EPHA6: variants seen among roughly 807,000 people sequenced by gnomAD.
EPHA6 encodes EPH receptor A6.
Under a neutral mutation model 112.0 loss-of-function variants are expected in EPHA6, and 50 were observed. The ratio of observed to expected loss-of-function variants is 0.45; its 90% confidence interval spans 0.36 to 0.56. The LOEUF is 0.56. Ranked by LOEUF, EPHA6 falls within the 20% of genes least tolerant of loss-of-function variation. The pLI is 0.00. For missense variants in EPHA6, 1,280 were observed against 1,417.4 expected, an observed-to-expected ratio of 0.90 and a Z score of 1.56; for synonymous variants, 529 against 490.7, an observed-to-expected ratio of 1.08 and a Z score of -1.03.
chr3:97,741,805 C>G (rs1312709350), intron 16 of EPHA6, among the ~76,000 whole-genome samples: 1 of 152,010 alleles, frequency 6.6e-6, no homozygotes, highest in Non-Finnish European at 1.5e-5. Flanking sequence ...TTTATCTGGA[C>G]TAGTCAAACT....
intron 3 of EPHA6, among the ~76,000 whole-genome samples, chr3:97,183,755 G>T (rs1356573201): frequency 1.3e-5 from 2 of 151,970 alleles, no homozygotes; most frequent in African/African-American, 4.8e-5. Context: ...GTAACTTCAG[G>T]TAAGATCTTG....
chr3:97,514,812 A>G (rs1259148818), intron 10 of EPHA6, among the ~76,000 whole-genome samples: 1 of 152,188 alleles, frequency 6.6e-6, no homozygotes, highest in Non-Finnish European at 1.5e-5. Flanking sequence ...GTGAGGACAC[A>G]GTGAGAAGGC....
intron 10 of EPHA6, among the ~76,000 whole-genome samples, chr3:97,496,570 A>C (rs147740748): frequency 6.6e-6 from 1 of 152,156 alleles, no homozygotes; most frequent in African/African-American, 2.4e-5. Flanking sequence ...TTATGAAGCC[A>C]TACTTCTATA....
intron 3 of EPHA6, among the ~76,000 whole-genome samples, chr3:97,018,258 G>A (rs1330176510): frequency 2.0e-5 from 3 of 151,824 alleles, no homozygotes; most frequent in African/African-American, 7.3e-5. Context: ...TTTATGTGTA[G>A]GGACCAGCCC....
At chr3:97,544,464 C>G (rs2092915791) in intron 11 of EPHA6, among the ~76,000 whole-genome samples, 4 of 152,172 alleles carry the variant, frequency 2.6e-5, no homozygotes, top group Admixed American at 2.6e-4. Flanking sequence ...GGTGGATAAG[C>G]TTTCTGATGT....
chr3:97,178,984 T>A lies in EPHA6; in HGVS notation c.1115-47280T>A, dbSNP rs746433883. On this transcript the variant is annotated intron_variant, in intron 3 of 17. Coordinates refer to ENST00000389672, the MANE Select transcript of EPHA6 (RefSeq NM_001080448.3). ...CTTTAAGGCCAATAACTCTTTGAAT[T>A]GCTCTTTTCTAGATACTGTAGAATC... Among the ~76,000 whole-genome samples the A allele has an allele frequency of 6.0e-4, 91 of 152,246 alleles. 1 individual carries two copies. Among genetic ancestry groups the A allele is most frequent in the Non-Finnish European group, 9.1e-4 (62 of 68,010 alleles).
intron 2 of EPHA6, among the ~76,000 whole-genome samples, chr3:96,952,779 T>C (rs2041601066): frequency 6.6e-6 from 1 of 152,110 alleles, no homozygotes; most frequent in African/African-American, 2.4e-5. Context: ...ATACTGCATG[T>C]TGTCACTTAC....
At chr3:97,123,324 A>G (rs2048094446) in intron 3 of EPHA6, among the ~76,000 whole-genome samples, 1 of 152,068 alleles carries the variant, frequency 6.6e-6, no homozygotes, top group South Asian at 2.1e-4. Context: ...ACGATAGCCT[A>G]GTTTCTCGCC....
intron 5 of EPHA6, among the ~76,000 whole-genome samples, chr3:97,328,015 G>GTGTA (rs1553747726): frequency 4.0e-5 from 5 of 123,606 alleles, no homozygotes; most frequent in Non-Finnish European, 7.8e-5. Flanking sequence ...ATGTATATGT[G>GTGTA]TATATATGTA....
intron 2 of EPHA6, among the ~76,000 whole-genome samples, chr3:96,881,446 T>C (rs1048855622): frequency 2.6e-5 from 4 of 152,152 alleles, no homozygotes; most frequent in African/African-American, 9.7e-5. Context: ...CTCCTGAGAC[T>C]TATTCACTAC....
chr3:97,266,774 G>A (rs1177020829), intron 5 of EPHA6, among the ~76,000 whole-genome samples: 1 of 142,406 alleles, frequency 7.0e-6, no homozygotes, highest in Non-Finnish European at 1.5e-5. Flanking sequence ...AACTAGTAAA[G>A]GATGATACTA....
chr3:97,531,839 C>A (rs1481792898), intron 10 of EPHA6, among the ~76,000 whole-genome samples: 1 of 152,056 alleles, frequency 6.6e-6, no homozygotes, highest in Non-Finnish European at 1.5e-5. Flanking sequence ...CCTGTATAAT[C>A]ACTTACTATG....
intron 14 of EPHA6, among the ~76,000 whole-genome samples, chr3:97,716,864 T>C (rs1345426900): frequency 2.0e-5 from 3 of 152,138 alleles, no homozygotes; most frequent in East Asian, 3.9e-4. Flanking sequence ...TAAACTTATG[T>C]CCCATTTTTT....
chr3:97,125,405 TCTA>T (rs1252231434), intron 3 of EPHA6, among the ~76,000 whole-genome samples: 1 of 152,318 alleles, frequency 6.6e-6, no homozygotes, highest in African/African-American at 2.4e-5. Context: ...ATTTAAATAT[TCTA>T]CTACCATATG....
intron 8 of EPHA6, among the ~76,000 whole-genome samples, chr3:97,478,540 C>T (rs749769243): frequency 6.6e-6 from 1 of 151,860 alleles, no homozygotes; most frequent in Non-Finnish European, 1.5e-5. Context: ...TTAGAAATTG[C>T]TTTAACATTC....
chr3:97,569,054 C>T (rs1372391401), intron 11 of EPHA6, among the ~76,000 whole-genome samples: 1 of 152,134 alleles, frequency 6.6e-6, no homozygotes, highest in African/African-American at 2.4e-5. Flanking sequence ...AGGATTTTTG[C>T]TCAGACTGCA....
intron 11 of EPHA6, among the ~76,000 whole-genome samples, chr3:97,569,056 C>T (rs965026007): frequency 2.0e-5 from 3 of 152,136 alleles, no homozygotes; most frequent in Non-Finnish European, 4.4e-5. Context: ...GATTTTTGCT[C>T]AGACTGCATT....
intron 2 of EPHA6, among the ~76,000 whole-genome samples, chr3:96,887,684 C>A (rs113185088): frequency 1.4e-4 from 21 of 152,058 alleles, no homozygotes; most frequent in African/African-American, 5.1e-4. Flanking sequence ...TTTTCTGCTA[C>A]CAGGGTAGGT....
At chr3:97,220,326 C>T (rs2078155717) in intron 3 of EPHA6, among the ~76,000 whole-genome samples, 1 of 152,188 alleles carries the variant, frequency 6.6e-6, no homozygotes, top group Non-Finnish European at 1.5e-5. Flanking sequence ...TTGCCTGTTA[C>T]CCATTTCCAA....
Sources: allele counts gnomAD v4.1 joint callset (sites outside exome capture counted in the v4.1 genomes callset), GRCh38; gene constraint gnomAD v4.1.1; transcripts MANE v1.5; gene names NCBI Gene and HGNC (gene_info 2026-07-23, HGNC 2026-07-21).